PYGL: variants seen among roughly 807,000 people sequenced by gnomAD.
PYGL encodes the protein glycogen phosphorylase, liver form.
Under a neutral mutation model 100.1 loss-of-function variants are expected in PYGL, and 90 were observed. That is an observed-to-expected ratio of 0.90 (90% CI 0.76 to 1.07). The LOEUF (loss-of-function observed/expected upper bound fraction) is 1.07. Ranked by LOEUF, PYGL falls within the 50% of genes least tolerant of loss-of-function variation. The pLI, the probability that PYGL is intolerant of heterozygous loss-of-function variation, is 0.00. For missense variants in PYGL, 1,016 were observed against 1,057.6 expected, an observed-to-expected ratio of 0.96 and a Z score of 0.55; for synonymous variants, 373 against 393.0, an observed-to-expected ratio of 0.95 and a Z score of 0.60.
At chr14:50,924,166 A>T (rs993007403) in intron 4 of PYGL, 66 bp from the exon 5 acceptor site, 4 of 1,535,202 alleles carry the variant, frequency 2.6e-6, no homozygotes, top group Non-Finnish European at 3.6e-6. Context: ...CACTTCAATT[A>T]TATTATATTA....
At chr14:50,942,090 G>T (rs2050706568) in intron 1 of PYGL, among the ~76,000 whole-genome samples, 1 of 152,194 alleles carries the variant, frequency 6.6e-6, no homozygotes, top group Non-Finnish European at 1.5e-5. Context: ...AGGTGGGAGA[G>T]GAGCTTGGAC....
chr14:50,910,733 T>G (rs1160433763), intron 16 of PYGL, among the ~76,000 whole-genome samples: 4 of 152,226 alleles, frequency 2.6e-5, no homozygotes, highest in African/African-American at 7.2e-5. Context: ...TTTGGCAACC[T>G]GAGGAGACTG....
In PYGL at chr14:50,935,231, GC is replaced by G. The variant is rs757163814; in HGVS notation, c.346-47del. The G allele has an allele frequency of 8.1e-6, 12 of 1,479,570 alleles. No individual in the cohort carries two copies. The East Asian group carries it at 2.7e-4, about 34-fold the overall frequency. 91.7% of individuals were successfully genotyped at this position (1,479,570 alleles called of 1,614,324 possible). A position where few individuals can be genotyped will look rare whatever the true frequency, so the allele number is the denominator to read the frequency against. ...ATATTGGAAGCAGATAAAAATTCAG[GC>G]CATTCAGAGGGACAGCCATTTCCTA... On this transcript the variant is annotated intron_variant, in intron 2 of 19. Coordinates refer to ENST00000216392, the MANE Select transcript of PYGL (RefSeq NM_002863.5).
At position 50,937,940 on chromosome 14, in the gene PYGL, G is replaced by T. The variant is rs576349626; in HGVS notation, c.244-103C>A. On this transcript the variant is annotated intron_variant, in intron 1 of 19. Transcript: ENST00000216392. ...TAGGTCACCAATAAGAAACAAACAG[G>T]CAGGACTATGTCACCACAGGTTCGA... 10 of 1,026,070 alleles carry T rather than the reference G, an allele frequency of 9.7e-6. No individual in the cohort carries two copies. The East Asian group carries it at 2.5e-4, about 25-fold the overall frequency. 63.6% of individuals were successfully genotyped at this position (1,026,070 alleles called of 1,614,324 possible).
chr14:50,927,302 G>A (rs771185616), intron 4 of PYGL, among the ~76,000 whole-genome samples: 2 of 152,164 alleles, frequency 1.3e-5, no homozygotes, highest in Non-Finnish European at 2.9e-5. Context: ...TTGGCTCACT[G>A]CAACATATGC....
rs765957995 is a variant in PYGL, at chr14:50,944,340, C to G, written c.64G>C (p.Val22Leu). The change falls in exon 1 of 20, where the codon GTG (valine) becomes CTG (leucine). Residue 22 changes from valine to leucine, a missense_variant. Physicochemically the swap from Val to Leu is conservative, Grantham distance 32. Transcript: ENST00000216392. ...RQISIRGIVG[V>L]ENVAELKKSF... is the part of the protein sequence containing the mutation. Reference sequence around the variant, plus strand: ...TTCTTCAGCTCTGCCACGTTCTCCACGCCCACGATGCCGCGGATGCTGATC... The same window carrying G: ...TTCTTCAGCTCTGCCACGTTCTCCAGGCCCACGATGCCGCGGATGCTGATC... 6.2e-7 allele frequency: 1 copy of G among 1,613,806 alleles called. No homozygotes were observed. The highest frequency in any genetic ancestry group is 1.3e-5 in the African/African-American group (1 of 74,938).
intron 1 of PYGL, among the ~76,000 whole-genome samples, chr14:50,941,493 T>C (rs2050701506): frequency 6.6e-6 from 1 of 152,082 alleles, no homozygotes; most frequent in Admixed American, 6.5e-5. Flanking sequence ...CAAGGGAACC[T>C]ATAGAAATCA....
chr14:50,927,561 T>C (rs182670963), intron 4 of PYGL, among the ~76,000 whole-genome samples: 1 of 152,312 alleles, frequency 6.6e-6, no homozygotes, highest in Admixed American at 6.5e-5. Flanking sequence ...TTACATGAGA[T>C]TCTTAATGCC....
chr14:50,931,612 T>C lies in PYGL; in HGVS notation c.528+61A>G, dbSNP rs779205548. 5.2e-5 allele frequency: 74 copies of C among 1,429,266 alleles called. 1 individual carries two copies. The highest frequency in any genetic ancestry group is 7.1e-5 in the Non-Finnish European group (72 of 1,013,696). 88.5% of individuals were successfully genotyped at this position (1,429,266 alleles called of 1,614,324 possible). ...TTAAAGGTCCATATATTATAAATCA[T>C]CCAGAGCACCATGAAAGAGAAGTAC... On this transcript the variant is annotated intron_variant, in intron 4 of 19. Transcript: ENST00000216392.
In PYGL at chr14:50,922,687, G is replaced by A. The variant is rs142176277; in HGVS notation, c.660+1282C>T. Among the ~76,000 whole-genome samples the A allele has an allele frequency of 1.7e-3, 256 of 152,260 alleles. 2 individuals carry two copies. The highest frequency in any genetic ancestry group is 5.6e-4 in the Non-Finnish European group (38 of 68,008). On this transcript the variant is annotated intron_variant, in intron 5 of 19. Coordinates refer to ENST00000216392, the MANE Select transcript of PYGL (RefSeq NM_002863.5). ...ACTAGGGCCGAGACTTCTCTAATGG[G>A]CAATCTTTAGTGTCAGGCTCCATCA...
chr14:50,908,369 C>T, intron 18 of PYGL, 32 bp from the exon 19 acceptor site: 1 of 1,509,502 alleles, frequency 6.6e-7, no homozygotes, highest in Non-Finnish European at 9.2e-7. Context: ...AGGAAAAAAA[C>T]AGTCAAAATC....
At chr14:50,923,053 A>G (rs1340893656) in intron 5 of PYGL, among the ~76,000 whole-genome samples, 1 of 152,228 alleles carries the variant, frequency 6.6e-6, no homozygotes, top group Non-Finnish European at 1.5e-5. Flanking sequence ...GATGACTTCA[A>G]TCTATGAGGC....
chr14:50,917,751 G>A (rs77297918), intron 7 of PYGL, among the ~76,000 whole-genome samples: 1,716 of 152,332 alleles, frequency 0.011, 28 homozygotes, highest in African/African-American at 0.039. Context: ...GGAGGCCTTA[G>A]AGGCCATGAT....
intron 4 of PYGL, among the ~76,000 whole-genome samples, chr14:50,925,927 G>C (rs1056552039): frequency 6.6e-6 from 1 of 152,160 alleles, no homozygotes; most frequent in African/African-American, 2.4e-5. Flanking sequence ...AGTAGGTCTG[G>C]GGAGGGGCCT....
At position 50,905,903 on chromosome 14, in the gene PYGL, A is replaced by G. The variant is rs1309932269; in HGVS notation, c.2380-347T>C. Among the ~76,000 whole-genome samples the G allele has an allele frequency of 2.5e-4, 38 of 151,718 alleles. 1 individual carries two copies. The highest frequency in any genetic ancestry group is 2.5e-3 in the Admixed American group (38 of 15,254). On this transcript the variant is annotated intron_variant, in intron 19 of 19. Coordinates refer to ENST00000216392, the MANE Select transcript of PYGL (RefSeq NM_002863.5). Reference sequence around the variant, plus strand: ...GAATGAAGATGCTTCCCTTTAAACTATAGGGGAGGAATCCATTGTCTGCTA... The same window carrying G: ...GAATGAAGATGCTTCCCTTTAAACTGTAGGGGAGGAATCCATTGTCTGCTA...
rs1427232884 is a variant in PYGL, at chr14:50,917,118, G to C, written c.856-13C>G. The stretch of plus-strand genomic sequence containing the variant: ...TCCCTTCAAAAAACTTCAAGCCAGA[G>C]AGATAGAATAAAAATGGTTCATATT... On this transcript the variant is annotated splice_polypyrimidine_tract_variant and intron_variant, in intron 7 of 19. Coordinates refer to ENST00000216392, the MANE Select transcript of PYGL (RefSeq NM_002863.5). The C allele has an allele frequency of 6.2e-7, 1 of 1,612,800 alleles. No individual in the cohort carries two copies. The highest frequency in any genetic ancestry group is 1.1e-5 in the South Asian group (1 of 91,048).
intron 1 of PYGL, among the ~76,000 whole-genome samples, chr14:50,938,609 G>T (rs1242525866): frequency 6.6e-6 from 1 of 152,180 alleles, no homozygotes; most frequent in East Asian, 1.9e-4. Flanking sequence ...GTCTGGGATG[G>T]TGACTCCTTT....
At chr14:50,916,841 G>C (rs1322656769) in intron 8 of PYGL, 107 bp from the exon 9 acceptor site, 2 of 1,544,172 alleles carry the variant, frequency 1.3e-6, no homozygotes, top group Non-Finnish European at 1.8e-6. Flanking sequence ...TTCTATGAAA[G>C]ACTTGATGCA....
intron 4 of PYGL, among the ~76,000 whole-genome samples, chr14:50,926,508 A>T (rs1031298420): frequency 1.3e-5 from 2 of 151,478 alleles, no homozygotes; most frequent in Non-Finnish European, 2.9e-5. Context: ...TGGGCTGATC[A>T]TGAGGTCAGG....
Sources: gnomAD v4.1 joint callset for allele counts (sites outside exome capture counted in the v4.1 genomes callset) on GRCh38, gnomAD v4.1.1 for gene constraint, MANE v1.5 for transcripts, NCBI Gene and HGNC (gene_info 2026-07-23, HGNC 2026-07-21) for gene names.